The following SPATA17 variants were observed in gnomAD, a reference collection of about 807,000 sequenced individuals.
SPATA17 encodes spermatogenesis-associated protein 17.
A neutral mutation model predicts 62.2 loss-of-function variants in SPATA17; 53 were observed. The observed-to-expected ratio is 0.85, with a 90% CI of 0.68 to 1.07. SPATA17 has a LOEUF of 1.07. SPATA17 is among the 50% of genes least tolerant of loss of function. The pLI, the probability that SPATA17 is intolerant of heterozygous loss-of-function variation, is 0.00. For synonymous variants in SPATA17, 146 were observed against 146.8 expected (o/e 0.99, Z 0.04); for missense variants, 466 against 425.5 (o/e 1.10, Z -0.84).
chr1:217,728,617 A>G (rs1241734689), intron 5 of SPATA17, among the ~76,000 whole-genome samples: 1 of 152,128 alleles, frequency 6.6e-6, no homozygotes, highest in Admixed American at 6.5e-5. Context: ...TGTTAAACTA[A>G]TTATTTTAAA....
At chr1:217,753,932 GT>G (rs1482476490) in intron 6 of SPATA17, among the ~76,000 whole-genome samples, 1 of 151,916 alleles carries the variant, frequency 6.6e-6, no homozygotes, top group Non-Finnish European at 1.5e-5. Context: ...ATTTTTATTG[GT>G]TTTATATAAA....
At chr1:217,681,184 G>A (rs547193604) in intron 4 of SPATA17, among the ~76,000 whole-genome samples, 67 of 150,772 alleles carry the variant, frequency 4.4e-4, no homozygotes, top group African/African-American at 1.5e-3. Context: ...CCGAAATCGC[G>A]CCACTGCACT....
intron 9 of SPATA17, among the ~76,000 whole-genome samples, chr1:217,802,739 T>C (rs918992081): frequency 1.3e-5 from 2 of 152,176 alleles, no homozygotes; most frequent in African/African-American, 2.4e-5. Flanking sequence ...ATATGAATTC[T>C]AGGGAAACAC....
intron 4 of SPATA17, among the ~76,000 whole-genome samples, chr1:217,675,885 A>T (rs998263345): frequency 8.5e-5 from 13 of 152,162 alleles, no homozygotes; most frequent in African/African-American, 2.9e-4. Context: ...GGTCACTTTT[A>T]ATCTTGGCTT....
At chr1:217,782,113 C>A in intron 7 of SPATA17, 61 bp from the exon 8 acceptor site, 1 of 1,461,940 alleles carries the variant, frequency 6.8e-7, no homozygotes, top group Admixed American at 2.5e-5. Flanking sequence ...TAGCCTTGGT[C>A]ATCAGTAATA....
chr1:217,690,474 T>TTTTA (rs1491392969), intron 5 of SPATA17, among the ~76,000 whole-genome samples: 1 of 19,920 alleles, frequency 5.0e-5, no homozygotes, highest in Non-Finnish European at 1.0e-4. Context: ...TTATTTTTTA[T>TTTTA]TTTTTTTTTT....
chr1:217,759,593 G>A (rs1673124657), intron 6 of SPATA17, among the ~76,000 whole-genome samples: 1 of 152,212 alleles, frequency 6.6e-6, no homozygotes, highest in Non-Finnish European at 1.5e-5. Context: ...AGCAAGGGAA[G>A]TGGTTTTCTA....
chr1:217,689,768 T>G (rs1286530251), intron 5 of SPATA17, among the ~76,000 whole-genome samples: 1 of 152,198 alleles, frequency 6.6e-6, no homozygotes, highest in Non-Finnish European at 1.5e-5. Context: ...CATTCTCATT[T>G]TAACTCTGCA....
At chr1:217,714,096 G>A (rs1396624808) in intron 5 of SPATA17, among the ~76,000 whole-genome samples, 1 of 152,090 alleles carries the variant, frequency 6.6e-6, no homozygotes, top group East Asian at 1.9e-4. Flanking sequence ...TCACATTTTT[G>A]AGAACCATCG....
chr1:217,708,324 G>C (rs1013233719), intron 5 of SPATA17, among the ~76,000 whole-genome samples: 1 of 152,226 alleles, frequency 6.6e-6, no homozygotes, highest in East Asian at 1.9e-4. Flanking sequence ...ACGAGAAAAA[G>C]AGAGAAGATA....
chr1:217,655,501 T>A (rs2102887051), intron 3 of SPATA17, among the ~76,000 whole-genome samples: 1 of 152,276 alleles, frequency 6.6e-6, no homozygotes, highest in Middle Eastern at 3.4e-3. Flanking sequence ...TATGTATACA[T>A]CTTCTTCCTC....
intron 5 of SPATA17, among the ~76,000 whole-genome samples, chr1:217,711,835 A>T (rs1308206118): frequency 1.3e-5 from 2 of 152,186 alleles, no homozygotes; most frequent in Non-Finnish European, 2.9e-5. Context: ...AACTAGGCTG[A>T]TGGGTTGTCC....
At chr1:217,749,242 G>T (rs940600238) in intron 6 of SPATA17, among the ~76,000 whole-genome samples, 1 of 152,066 alleles carries the variant, frequency 6.6e-6, no homozygotes, top group African/African-American at 2.4e-5. Context: ...CATTGATTTT[G>T]TTCCTTTATA....
chr1:217,738,673 C>T (rs1041977804), intron 5 of SPATA17, among the ~76,000 whole-genome samples: 8 of 152,224 alleles, frequency 5.3e-5, no homozygotes, highest in Admixed American at 4.6e-4. Flanking sequence ...TGCTCTTGGC[C>T]GGGTGCGATG....
chr1:217,831,388 A>G (rs1218020619), intron 9 of SPATA17, among the ~76,000 whole-genome samples: 1 of 152,080 alleles, frequency 6.6e-6, no homozygotes, highest in African/African-American at 2.4e-5. Context: ...AGAACTCTTC[A>G]TCTCCTCCCT....
At chr1:217,683,422 T>G in intron 5 of SPATA17, 61 bp downstream of exon 5, 2 of 1,041,600 alleles carry the variant, frequency 1.9e-6, no homozygotes, top group Non-Finnish European at 3.0e-6. Flanking sequence ...CAATAGATGT[T>G]GATCAACACC....
chr1:217,757,454 C>G (rs1031695637), intron 6 of SPATA17, among the ~76,000 whole-genome samples: 1 of 152,048 alleles, frequency 6.6e-6, no homozygotes, highest in Non-Finnish European at 1.5e-5. Context: ...TATTTGCTTC[C>G]CATAAATAGG....
At chr1:217,810,398 C>T (rs766278371) in intron 9 of SPATA17, among the ~76,000 whole-genome samples, 7 of 152,026 alleles carry the variant, frequency 4.6e-5, no homozygotes, top group South Asian at 4.2e-4. Flanking sequence ...CCAAGGCAGG[C>T]GGATCACAGA....
Position 217,698,121 on chromosome 1 carries a change from C to T in SPATA17, c.395+14760C>T, listed in dbSNP as rs528730428. 2.2e-4 allele frequency among the ~76,000 whole-genome samples: 33 copies of T among 152,070 alleles called. 1 individual carries two copies. The South Asian group carries it at 4.2e-3, about 19-fold the overall frequency. Reference sequence around the variant, plus strand: ...GACCAGCCTGGCCAGCATGGTGAAACCCTGTCTCTAAATTTTTGTAAAAGT... The same window carrying T: ...GACCAGCCTGGCCAGCATGGTGAAATCCTGTCTCTAAATTTTTGTAAAAGT... On this transcript the variant is annotated intron_variant, in intron 5 of 10. Coordinates refer to ENST00000366933, the MANE Select transcript of SPATA17 (RefSeq NM_138796.4).
Sources: gnomAD v4.1 joint callset for allele counts (sites outside exome capture counted in the v4.1 genomes callset) on GRCh38, gnomAD v4.1.1 for gene constraint, MANE v1.5 for transcripts, NCBI Gene and HGNC (gene_info 2026-07-23, HGNC 2026-07-21) for gene names.